The following TCAF1 variants were observed in gnomAD, a reference collection of about 807,000 sequenced individuals.
TCAF1 encodes the protein TRPM8 channel-associated factor 1.
A neutral mutation model predicts 27.3 loss-of-function variants in TCAF1; 4 were observed. The ratio of observed to expected loss-of-function variants is 0.15; its 90% CI spans 0.07 to 0.34. The LOEUF (loss-of-function observed/expected upper bound fraction) is 0.34. Among genes scored for constraint, TCAF1 ranks in the 10% least tolerant of loss-of-function variants. The probability of loss-of-function intolerance (pLI) is 1.00; values close to 1 mark genes in which losing one functional copy is unlikely to be tolerated. For missense variants in TCAF1, 257 were observed against 425.8 expected (o/e 0.60, Z 3.49); for synonymous variants, 105 against 167.1 (o/e 0.63, Z 2.87).
intron 1 of TCAF1, among the ~76,000 whole-genome samples, chr7:143,900,038 C>A (rs1263737152): frequency 6.8e-6 from 1 of 146,278 alleles, no homozygotes; most frequent in Non-Finnish European, 1.5e-5. Flanking sequence ...GGAGGGAGTG[C>A]AAACTGGTTT....
chr7:143,890,126 C>G (rs1293410017), intron 1 of TCAF1, among the ~76,000 whole-genome samples: 1 of 151,996 alleles, frequency 6.6e-6, no homozygotes, highest in Non-Finnish European at 1.5e-5. Context: ...GTAGCTGGGA[C>G]TACAGGCACC....
chr7:143,883,500 C>CTTTTTTTTTTTTTTTT (rs374825743), intron 1 of TCAF1, among the ~76,000 whole-genome samples: 1 of 98,092 alleles, frequency 1.0e-5, no homozygotes, highest in Non-Finnish European at 1.9e-5. Context: ...TTTCCTTTTT[C>CTTTTTTTTTTTTTTTT]TTTTTTTTTT....
At chr7:143,878,586 A>G (rs542008145) in intron 1 of TCAF1, among the ~76,000 whole-genome samples, 11 of 152,338 alleles carry the variant, frequency 7.2e-5, no homozygotes, top group Non-Finnish European at 1.3e-4. Context: ...TTTAAGGCAA[A>G]TTACATAAGC....
chr7:143,885,023 AG>A, intron 1 of TCAF1: 5 of 985,396 alleles, frequency 5.1e-6, no homozygotes, highest in Non-Finnish European at 6.0e-6. Context: ...AGGGGGTCCC[AG>A]GCCAAAAACG....
intron 1 of TCAF1, 93 bp from the exon 2 acceptor site, chr7:143,876,715 C>G: frequency 9.9e-7 from 1 of 1,009,618 alleles, no homozygotes; most frequent in East Asian, 2.7e-5. Context: ...CTGGGCTATT[C>G]TTCCCACTAT....
chr7:143,885,363 A>G, intron 1 of TCAF1: 1 of 983,914 alleles, frequency 1.0e-6, no homozygotes, highest in Non-Finnish European at 1.2e-6. Flanking sequence ...GCTGCAGTGC[A>G]GACGGTTGGG....
intron 1 of TCAF1, among the ~76,000 whole-genome samples, chr7:143,896,563 T>C (rs963289705): frequency 6.6e-6 from 1 of 152,092 alleles, no homozygotes; most frequent in East Asian, 1.9e-4. Flanking sequence ...GTTTTAAAGC[T>C]AGCTTCAGCG....
At chr7:143,884,140 C>A (rs1813264032) in intron 1 of TCAF1, among the ~76,000 whole-genome samples, 1 of 152,172 alleles carries the variant, frequency 6.6e-6, no homozygotes, top group African/African-American at 2.4e-5. Context: ...TACGGTAAGA[C>A]TGGATGAGTG....
rs773367930 is a variant in TCAF1, at chr7:143,876,625, G to A, written c.-14-3C>T. The A allele has an allele frequency of 4.7e-6, 7 of 1,483,670 alleles. No homozygotes were observed. The African/African-American group carries it at 9.8e-5, about 21-fold the overall frequency. 91.9% of individuals were successfully genotyped at this position (1,483,670 alleles called of 1,614,324 possible). ...AGTCGCCATGGCTCTATTGGTTTCT[G>A]CAGAGAAGAAAGCAAAGGCTCAGCT... On this transcript the variant is annotated splice_region_variant and splice_polypyrimidine_tract_variant and intron_variant, in intron 1 of 8. Transcript: ENST00000479870.
intron 2 of TCAF1, among the ~76,000 whole-genome samples, chr7:143,874,915 G>A (rs1289506807): frequency 6.6e-6 from 1 of 152,136 alleles, no homozygotes; most frequent in East Asian, 1.9e-4. Flanking sequence ...AATAAACCCT[G>A]GCTAAATAAA....
chr7:143,884,186 AAT>A (rs1179435999), intron 1 of TCAF1, among the ~76,000 whole-genome samples: 6 of 152,168 alleles, frequency 3.9e-5, no homozygotes, highest in African/African-American at 1.2e-4. Context: ...CCTAAAATTC[AAT>A]ATTTCATATT....
intron 1 of TCAF1, chr7:143,882,707 C>T: frequency 1.0e-6 from 1 of 985,522 alleles, no homozygotes; most frequent in Non-Finnish European, 1.2e-6. Flanking sequence ...CTTCTCCAGC[C>T]TGCCAGGCTT....
chr7:143,876,663 G>A, intron 1 of TCAF1, 41 bp from the exon 2 acceptor site: 1 of 1,436,454 alleles, frequency 7.0e-7, no homozygotes. Context: ...GCGAAGAATG[G>A]ATAAACAAAG....
intron 1 of TCAF1, among the ~76,000 whole-genome samples, chr7:143,897,133 T>TATATATATATATATAGA (rs1813905834): frequency 8.0e-5 from 1 of 12,504 alleles, no homozygotes; most frequent in Non-Finnish European, 1.4e-4. Context: ...TAATCTTGAA[T>TATATATATATATATAGA]ATATATATAT....
At chr7:143,880,055 C>T (rs1228409399) in intron 1 of TCAF1, among the ~76,000 whole-genome samples, 2 of 152,158 alleles carry the variant, frequency 1.3e-5, no homozygotes, top group African/African-American at 2.4e-5. Context: ...CTATGATATG[C>T]AGAACATGAA....
At chr7:143,875,492 C>G (rs1336535386) in intron 2 of TCAF1, among the ~76,000 whole-genome samples, 1 of 152,130 alleles carries the variant, frequency 6.6e-6, no homozygotes, top group Admixed American at 6.5e-5. Context: ...AGATTTAGCA[C>G]ATATAACTTG....
chr7:143,894,769 A>G (rs1266041737), intron 1 of TCAF1, among the ~76,000 whole-genome samples: 3 of 151,738 alleles, frequency 2.0e-5, no homozygotes, highest in African/African-American at 7.2e-5. Context: ...ATAATTACCA[A>G]TGGGAAAAAG....
intron 1 of TCAF1, among the ~76,000 whole-genome samples, chr7:143,900,580 C>G (rs1731664402): frequency 6.6e-6 from 1 of 152,236 alleles, no homozygotes; most frequent in Admixed American, 6.5e-5. Context: ...GTTGATACAG[C>G]TTGTGAGAGA....
chr7:143,862,075 G>A (rs1324368487), intron 4 of TCAF1, among the ~76,000 whole-genome samples: 1 of 140,154 alleles, frequency 7.1e-6, no homozygotes, highest in Admixed American at 7.2e-5. Flanking sequence ...GAGATGAACA[G>A]TGAACTCAGA....
Sources: allele counts gnomAD v4.1 joint callset (sites outside exome capture counted in the v4.1 genomes callset), GRCh38; gene constraint gnomAD v4.1.1; transcripts MANE v1.5; gene names NCBI Gene and HGNC (gene_info 2026-07-23, HGNC 2026-07-21).